TRRAP: variants seen among roughly 807,000 people sequenced by gnomAD.
The protein encoded by TRRAP is transformation/transcription domain-associated protein.
A neutral mutation model predicts 438.8 loss-of-function variants in TRRAP; 41 were observed. The ratio of observed to expected loss-of-function variants is 0.09; its 90% confidence interval spans 0.07 to 0.12. The LOEUF (loss-of-function observed/expected upper bound fraction) is 0.12. TRRAP is among the 10% of genes least tolerant of loss of function. The pLI, the probability that TRRAP is intolerant of heterozygous loss-of-function variation, is 1.00. For synonymous variants in TRRAP, 1,994 were observed against 1,962.9 expected (o/e 1.02, Z -0.42); for missense variants, 3,122 against 5,055.1 (o/e 0.62, Z 11.60).
chr7:98,962,607 C>A (rs906447295), intron 47 of TRRAP, among the ~76,000 whole-genome samples, 180 bp downstream of exon 47: 23 of 152,256 alleles, frequency 1.5e-4, no homozygotes, highest in African/African-American at 5.3e-4. Flanking sequence ...GACTGCATCC[C>A]CCTTCGCCGA....
chr7:98,976,849 G>A lies in TRRAP; in HGVS notation c.8247+79G>A. The A allele has an allele frequency of 6.2e-7, 1 of 1,600,020 alleles. No homozygotes were observed. The highest frequency in any genetic ancestry group is 1.7e-5 in the Admixed American group (1 of 58,968). ...CTTTAAATAAATACTCCTCCCAAAT[G>A]ATTTCAAATGACAGCACAGTGAAAC... On this transcript the variant is annotated intron_variant, in intron 55 of 72. Transcript: ENST00000456197. The surrounding 1 kb of genome is among the most constrained non-coding windows in gnomAD (Gnocchi z 4.6).
At chr7:98,963,782 T>G (rs1792030482) in intron 47 of TRRAP, among the ~76,000 whole-genome samples, 1 of 152,138 alleles carries the variant, frequency 6.6e-6, no homozygotes, top group Non-Finnish European at 1.5e-5. Context: ...AATACAGATT[T>G]AAAATTTAAC....
In TRRAP at chr7:98,988,874, C is replaced by A; in HGVS notation, c.9499C>A (p.Arg3167=). 6.2e-7 allele frequency: 1 copy of A among 1,614,126 alleles called. No individual in the cohort carries two copies. The highest frequency in any genetic ancestry group is 8.5e-7 in the Non-Finnish European group (1 of 1,180,024). ...DYLENIFVKE[R]QLHLGVSAIT... is the part of the protein sequence containing the mutation. Reference sequence around the variant, plus strand: ...CCTGGAGAACATCTTTGTGAAGGAGCGGCAGCTGCACCTGGGCGTGTCTGC... The same window carrying A: ...CCTGGAGAACATCTTTGTGAAGGAGAGGCAGCTGCACCTGGGCGTGTCTGC... The change falls in exon 63 of 73, where the codon CGG becomes AGG. Residue 3167 remains arginine, a synonymous_variant. Coordinates refer to ENST00000456197, the MANE Select transcript of TRRAP (RefSeq NM_001375524.1).
intron 65 of TRRAP, among the ~76,000 whole-genome samples, 186 bp from the exon 66 acceptor site, chr7:98,993,352 C>T (rs1165974410): frequency 6.6e-6 from 1 of 152,248 alleles, no homozygotes; most frequent in Non-Finnish European, 1.5e-5. Flanking sequence ...TCCCTCCCCG[C>T]GTCCCTCAGC....
intron 40 of TRRAP, 49 bp downstream of exon 40, chr7:98,953,482 T>C: frequency 6.3e-7 from 1 of 1,590,336 alleles, no homozygotes; most frequent in Non-Finnish European, 8.5e-7. Flanking sequence ...GAATCTCACA[T>C]GGTGCACTTG....
intron 23 of TRRAP, among the ~76,000 whole-genome samples, chr7:98,928,829 A>G (rs1790180391): frequency 6.6e-6 from 1 of 151,936 alleles, no homozygotes; most frequent in African/African-American, 2.4e-5. Flanking sequence ...GCTGGAGTGC[A>G]GTGGCGTGGT....
chr7:98,907,528 T>C (rs2116391284), intron 13 of TRRAP, among the ~76,000 whole-genome samples: 1 of 152,318 alleles, frequency 6.6e-6, no homozygotes, highest in South Asian at 2.1e-4. Flanking sequence ...TATAAAATAT[T>C]AAGACATTTT....
chr7:99,004,571 C>G (rs1794076060), intron 68 of TRRAP, among the ~76,000 whole-genome samples, 156 bp downstream of exon 68: 1 of 152,208 alleles, frequency 6.6e-6, no homozygotes, highest in African/African-American at 2.4e-5. Context: ...TGGTCAGGCA[C>G]TTTACAAGTT....
chr7:98,970,569 T>C (rs1183457092), intron 52 of TRRAP, among the ~76,000 whole-genome samples: 1 of 151,860 alleles, frequency 6.6e-6, no homozygotes, highest in Non-Finnish European at 1.5e-5. Context: ...ACCTGAAAGC[T>C]CTGAATGTGG....
At chr7:98,894,783 G>GTTTT (rs56407045) in intron 6 of TRRAP, among the ~76,000 whole-genome samples, 19 of 87,418 alleles carry the variant, frequency 2.2e-4, no homozygotes, top group Non-Finnish European at 2.8e-4. Context: ...CCAGCTAATG[G>GTTTT]TTTTTTTTTT....
At chr7:98,896,019 A>C (rs1796181598) in intron 7 of TRRAP, among the ~76,000 whole-genome samples, 199 bp downstream of exon 7, 1 of 152,152 alleles carries the variant, frequency 6.6e-6, no homozygotes, top group Non-Finnish European at 1.5e-5. Flanking sequence ...TTTCTGTTTC[A>C]CTTAAGTACT....
At chr7:98,933,994 C>T (rs1790442662) in intron 27 of TRRAP, among the ~76,000 whole-genome samples, 1 of 152,206 alleles carries the variant, frequency 6.6e-6, no homozygotes, top group African/African-American at 2.4e-5. Flanking sequence ...ACTGCACTGT[C>T]CAGCCGAGTT....
intron 57 of TRRAP, 143 bp from the exon 58 acceptor site, chr7:98,978,626 C>A: frequency 8.2e-7 from 1 of 1,224,002 alleles, no homozygotes; most frequent in Non-Finnish European, 1.2e-6. Context: ...TGGAGCACAC[C>A]TCCATGTCCC....
At chr7:98,898,336 A>T (rs1235093409) in intron 8 of TRRAP, among the ~76,000 whole-genome samples, 1 of 152,094 alleles carries the variant, frequency 6.6e-6, no homozygotes, top group Non-Finnish European at 1.5e-5. Context: ...TATCTGAAAA[A>T]CCTGTCTCAC....
chr7:98,983,718 A>G (rs1793036492), intron 60 of TRRAP, among the ~76,000 whole-genome samples: 1 of 151,776 alleles, frequency 6.6e-6, no homozygotes, highest in Non-Finnish European at 1.5e-5. Flanking sequence ...GGCCGGGGGG[A>G]TCAATGCTCT....
chr7:99,012,409 G>A lies in TRRAP; in HGVS notation c.*54G>A, dbSNP rs192402597. 76 of 1,512,844 alleles carry A rather than the reference G, an allele frequency of 5.0e-5. 1 individual carries two copies. The highest frequency in any genetic ancestry group is 4.4e-4 in the Admixed American group (21 of 47,450). The allele number at this position is 1,512,844 out of a possible 1,614,324, so 93.7% of individuals were successfully genotyped here. A position where few individuals can be genotyped will look rare whatever the true frequency, so the allele number is the denominator to read the frequency against. On this transcript the variant is annotated 3_prime_UTR_variant, in exon 73 of 73. Transcript: ENST00000456197. This position sits in a 1 kb window ranked among gnomAD's most constrained non-coding sequence, Gnocchi z 5.9. ...GAAGGGCGCTCCGGGCTCTGAGCCC[G>A]CAGCTTTTACGACTTCTCCCTGCCT...
At position 98,881,155 on chromosome 7, in the gene TRRAP, C is replaced by T. The variant is rs1442686995; in HGVS notation, c.5C>T (p.Ala2Val). The stretch of plus-strand genomic sequence containing the variant: ...GCAAACCAGCCCAAAAGAAAAATGG[C>T]GTTTGTTGCAACACAGGGGGCCACG... M[A>V]FVATQGATVV... Residue 2 changes from alanine to valine, a missense_variant, in exon 2 of 73, where the codon GCG (alanine) becomes GTG (valine). Ala to Val is a moderately conservative substitution (Grantham distance 64, BLOSUM62 0). This residue lies in a region of TRRAP where 343 missense variants were observed against 564.0 expected (regional missense o/e 0.61). Transcript: ENST00000456197. The T allele has an allele frequency of 6.2e-7, 1 of 1,602,302 alleles. No individual in the cohort carries two copies. The highest frequency in any genetic ancestry group is 8.5e-7 in the Non-Finnish European group (1 of 1,174,198).
chr7:98,924,768 C>T (rs1789963536), intron 21 of TRRAP, among the ~76,000 whole-genome samples: 1 of 143,624 alleles, frequency 7.0e-6, no homozygotes, highest in South Asian at 2.2e-4. Flanking sequence ...CTTTGGGAGG[C>T]CGAGGCGGGC....
chr7:98,945,871 TC>T, intron 32 of TRRAP, 58 bp from the exon 33 acceptor site: 1 of 1,569,616 alleles, frequency 6.4e-7, no homozygotes, highest in Non-Finnish European at 8.5e-7. Flanking sequence ...TCTTTTCTTT[TC>T]TTTTCTTTTT....
Sources: gnomAD v4.1 joint callset for allele counts (sites outside exome capture counted in the v4.1 genomes callset) on GRCh38, gnomAD v4.1.1 for gene constraint, gnomAD v4.1.1 regional missense constraint, Gnocchi (gnomAD v3.1) non-coding constraint, MANE v1.5 for transcripts, NCBI Gene and HGNC (gene_info 2026-07-23, HGNC 2026-07-21) for gene names.